Variants in SERPINC1 observed in about 807,000 individuals in gnomAD.
SERPINC1 encodes the protein serpin family C member 1, also known as antithrombin-III.
Under a neutral mutation model 43.4 loss-of-function variants are expected in SERPINC1, and 12 were observed. The observed-to-expected ratio is 0.28, with a 90% CI of 0.18 to 0.45. SERPINC1 has a LOEUF of 0.45. SERPINC1 is among the 20% of genes least tolerant of loss of function. The pLI, the probability that SERPINC1 is intolerant of heterozygous loss-of-function variation, is 1.00. For missense variants in SERPINC1, 423 were observed against 578.8 expected (o/e 0.73, Z 2.76); for synonymous variants, 210 against 218.9 (o/e 0.96, Z 0.36).
intron 5 of SERPINC1, among the ~76,000 whole-genome samples, chr1:173,907,783 ACT>A (rs1333441928): frequency 1.3e-5 from 2 of 151,534 alleles, no homozygotes; most frequent in African/African-American, 4.8e-5. Flanking sequence ...AGTTGGAGAC[ACT>A]CTAACTAATA....
At chr1:173,913,786 T>C (rs1657871361) in intron 2 of SERPINC1, among the ~76,000 whole-genome samples, 1 of 143,920 alleles carries the variant, frequency 6.9e-6, no homozygotes, top group African/African-American at 2.6e-5. Flanking sequence ...ACCCGGGAGG[T>C]AGAGGTTGCA....
rs1411496915 is a variant in SERPINC1 at position 173,915,210 on chromosome 1, C to T, written c.42-291G>A. On this transcript the variant is annotated intron_variant, in intron 1 of 6. Coordinates refer to ENST00000367698, the MANE Select transcript of SERPINC1 (RefSeq NM_000488.4). ...CGCTGGGAGAAAAAAGAATGAGAAG[C>T]TTCCTGTTTGTGACATGGAATGTGC... The T allele has an allele frequency of 1.1e-5, 14 of 1,299,654 alleles. No homozygotes were observed. In the African/African-American group the frequency reaches 2.1e-4, roughly 19 times the overall value. The allele number at this position is 1,299,654 out of a possible 1,614,324, so 80.5% of individuals were successfully genotyped here.
chr1:173,914,747 T>A lies in SERPINC1; in HGVS notation c.214A>T (p.Ile72Phe). 6.2e-7 allele frequency: 1 copy of A among 1,614,224 alleles called. No individual in the cohort carries two copies. Among genetic ancestry groups the A allele is most frequent in the Non-Finnish European group, 8.5e-7 (1 of 1,180,048 alleles). ...ACACGCCGGTTGGTGGCCTCCGGGA[T>A]CTTCTGTTCTGAGCCCTCATCCTCA... ...ATEDEGSEQKIPEATNRRVWE... is the reference protein window; with the variant it reads ...ATEDEGSEQKFPEATNRRVWE... Residue 72 changes from isoleucine (I) to phenylalanine (F), a missense_variant, in exon 2 of 7, where the codon ATC becomes TTC. Transcript: ENST00000367698.
At chr1:173,915,616 G>C (rs771622775) in intron 1 of SERPINC1, among the ~76,000 whole-genome samples, 23 of 152,228 alleles carry the variant, frequency 1.5e-4, no homozygotes, top group Non-Finnish European at 2.8e-4. Flanking sequence ...GGCGAAGGTT[G>C]CAGTGAGCTG....
In SERPINC1 at chr1:173,907,419, T is replaced by A. The variant is rs550785920; in HGVS notation, c.1218+31A>T. ...CTGCTGTTCATGCATCTCCTTTCTGTACCCTAAGAGAGTGGGGAAGGTGTA... is the reference window on the plus strand; with the variant it reads ...CTGCTGTTCATGCATCTCCTTTCTGAACCCTAAGAGAGTGGGGAAGGTGTA... On this transcript the variant is annotated intron_variant, in intron 6 of 6. Transcript: ENST00000367698. 20 of 1,546,086 alleles carry A rather than the reference T, an allele frequency of 1.3e-5. 1 individual carries two copies. The African/African-American group carries it at 1.4e-4, about 10-fold the overall frequency.
chr1:173,909,913 C>T lies in SERPINC1; in HGVS notation c.792G>A (p.Glu264=), dbSNP rs1483715794. ...TGTAGAACAGTTCCTTCCTTGTGTT[C>T]TCAGGGCTGAACTTTGACTTCCACA... ...KGLWKSKFSP[E]NTRKELFYKA... The change falls in exon 5 of 7, where the codon GAG becomes GAA. Residue 264 remains glutamate, a synonymous_variant. Coordinates refer to ENST00000367698, the MANE Select transcript of SERPINC1 (RefSeq NM_000488.4). The T allele has an allele frequency of 6.2e-7, 1 of 1,614,146 alleles. No individual in the cohort carries two copies. The highest frequency in any genetic ancestry group is 1.7e-5 in the Admixed American group (1 of 60,028).
chr1:173,909,496 T>C, intron 5 of SERPINC1, 56 bp downstream of exon 5: 1 of 1,587,936 alleles, frequency 6.3e-7, no homozygotes, highest in Non-Finnish European at 8.6e-7. Context: ...ACTCTTCCAC[T>C]TTTGGTCAGA....
intron 6 of SERPINC1, 107 bp from the exon 7 acceptor site, chr1:173,904,172 G>T: frequency 1.8e-6 from 2 of 1,089,034 alleles, no homozygotes; most frequent in South Asian, 1.3e-5. Context: ...TTGTTTTCCA[G>T]TAAAAAGTAC....
chr1:173,911,901 T>C lies in SERPINC1; in HGVS notation c.522A>G (p.Ser174=), dbSNP rs2102786004. The change falls in exon 3 of 7, where the codon TCA becomes TCG. Residue 174 remains serine, a synonymous_variant. Transcript: ENST00000367698. ...ATTTGTCTCCAAAAAGGCGATTGGCTGATACTAACTTGGAGGATTTGTTGG... is the reference window on the plus strand; with the variant it reads ...ATTTGTCTCCAAAAAGGCGATTGGCCGATACTAACTTGGAGGATTTGTTGG... The part of the protein sequence containing the change: ...RKANKSSKLV[S]ANRLFGDKSL... The C allele has an allele frequency of 1.9e-6, 3 of 1,614,238 alleles. No individual in the cohort carries two copies. Among genetic ancestry groups the C allele is most frequent in the Middle Eastern group, 1.6e-4 (1 of 6,062 alleles).
At chr1:173,904,754 C>G (rs559263593) in intron 6 of SERPINC1, among the ~76,000 whole-genome samples, 1 of 152,242 alleles carries the variant, frequency 6.6e-6, no homozygotes, top group African/African-American at 2.4e-5. Context: ...CCTTCTCACT[C>G]TTCCTTCCCC....
chr1:173,910,660 T>C, intron 4 of SERPINC1, 94 bp downstream of exon 4: 1 of 1,230,962 alleles, frequency 8.1e-7, no homozygotes, highest in Non-Finnish European at 1.2e-6. Flanking sequence ...CCATTTGCCC[T>C]CTCAGGGCTT....
intron 1 of SERPINC1, among the ~76,000 whole-genome samples, chr1:173,915,423 C>A (rs1373075980): frequency 6.6e-6 from 1 of 152,174 alleles, no homozygotes; most frequent in Non-Finnish European, 1.5e-5. Context: ...CGCCTGTAAT[C>A]CCAGCACTTT....
chr1:173,915,356 A>T (rs1203231123), intron 1 of SERPINC1, among the ~76,000 whole-genome samples: 2 of 152,176 alleles, frequency 1.3e-5, no homozygotes, highest in Non-Finnish European at 2.9e-5. Context: ...GCAACACAAG[A>T]GAAGTAAGAA....
chr1:173,914,192 G>T (rs1169362658), intron 2 of SERPINC1, among the ~76,000 whole-genome samples: 1 of 152,090 alleles, frequency 6.6e-6, no homozygotes, highest in African/African-American at 2.4e-5. Flanking sequence ...ACTACACATT[G>T]CCTGGCACAG....
Position 173,911,977 on chromosome 1 carries a change from T to C in SERPINC1, c.446A>G (p.Asp149Gly). The change falls in exon 3 of 7, where the codon GAT (aspartate) becomes GGT (glycine). Residue 149 changes from aspartate to glycine, a missense_variant. Transcript: ENST00000367698. ...TTTGGCAAAGAAGAAGTGGATCTGATCAGATGTTTTCTCAGATATGGTGTC... is the reference window on the plus strand; with the variant it reads ...TTTGGCAAAGAAGAAGTGGATCTGACCAGATGTTTTCTCAGATATGGTGTC... ...KFDTISEKTS[D>G]QIHFFFAKLN... The C allele has an allele frequency of 6.2e-7, 1 of 1,614,108 alleles. No homozygotes were observed. The highest frequency in any genetic ancestry group is 8.5e-7 in the Non-Finnish European group (1 of 1,179,990).
chr1:173,912,106 GC>G (rs1657796968), intron 2 of SERPINC1, 92 bp from the exon 3 acceptor site: 2 of 876,580 alleles, frequency 2.3e-6, no homozygotes, highest in Non-Finnish European at 1.9e-6. Flanking sequence ...CTGACTAATA[GC>G]CACCTCAGTT....
chr1:173,914,217 G>GAATA (rs1215148168), intron 2 of SERPINC1, among the ~76,000 whole-genome samples: 1 of 152,128 alleles, frequency 6.6e-6, no homozygotes, highest in Non-Finnish European at 1.5e-5. Context: ...AGTGCTGAAT[G>GAATA]AATAAATAAA....
chr1:173,909,666 T>G lies in SERPINC1; in HGVS notation c.1039A>C (p.Met347Leu). The stretch of plus-strand genomic sequence containing the variant: ...AAGCGGGGCATGTGGACCACCAGCA[T>G]CATCTCCTCCAATTCATCCAGCCAC... ...QEWLDELEEMMLVVHMPRFRI... is the reference protein window; with the variant it reads ...QEWLDELEEMLLVVHMPRFRI... The change falls in exon 5 of 7, where the codon ATG becomes CTG. Residue 347 changes from methionine to leucine, a missense_variant. Transcript: ENST00000367698. The G allele has an allele frequency of 6.2e-7, 1 of 1,613,796 alleles. No individual in the cohort carries two copies. The highest frequency in any genetic ancestry group is 1.7e-4 in the Middle Eastern group (1 of 6,056).
intron 6 of SERPINC1, 120 bp downstream of exon 6, chr1:173,907,330 A>G: frequency 1.2e-6 from 1 of 801,356 alleles, no homozygotes; most frequent in South Asian, 1.4e-5. Flanking sequence ...GGGCTGTATT[A>G]TAGCAGGCCT....
Sources: allele counts gnomAD v4.1 joint callset (sites outside exome capture counted in the v4.1 genomes callset), GRCh38; gene constraint gnomAD v4.1.1; transcripts MANE v1.5; gene names NCBI Gene and HGNC (gene_info 2026-07-23, HGNC 2026-07-21).